FHOD3: variants seen among roughly 807,000 people sequenced by gnomAD.
FHOD3 encodes formin homology 2 domain containing 3, also known as FH1/FH2 domain-containing protein 3.
A neutral mutation model predicts 173.0 loss-of-function variants in FHOD3; 90 were observed. The ratio of observed to expected loss-of-function variants is 0.52; its 90% CI spans 0.44 to 0.62. The LOEUF (loss-of-function observed/expected upper bound fraction) is 0.62, where lower values mean the gene tolerates loss of function less well. FHOD3 is among the 20% of genes least tolerant of loss of function. The pLI is 0.00. For missense variants in FHOD3, 1,945 were observed against 2,034.7 expected, an observed-to-expected ratio of 0.96 and a Z score of 0.85; for synonymous variants, 828 against 823.0, an observed-to-expected ratio of 1.01 and a Z score of -0.10.
intron 2 of FHOD3, among the ~76,000 whole-genome samples, chr18:36,358,396 A>G (rs1262741334): frequency 6.6e-6 from 1 of 152,176 alleles, no homozygotes; most frequent in East Asian, 1.9e-4. Flanking sequence ...CACTTCCTCC[A>G]CAGCTGTTCC....
At chr18:36,376,317 T>G (rs779159453) in intron 3 of FHOD3, among the ~76,000 whole-genome samples, 6 of 152,208 alleles carry the variant, frequency 3.9e-5, no homozygotes, top group Non-Finnish European at 8.8e-5. Context: ...GGGCTTCAAT[T>G]TTCTGAAGCA....
intron 3 of FHOD3, among the ~76,000 whole-genome samples, chr18:36,385,979 A>T (rs569989213): frequency 6.6e-6 from 1 of 152,342 alleles, no homozygotes; most frequent in African/African-American, 2.4e-5. Flanking sequence ...GTGCTTAGTT[A>T]TATCTATAAT....
intron 20 of FHOD3, among the ~76,000 whole-genome samples, chr18:36,737,378 T>C (rs1274076787): frequency 6.6e-6 from 1 of 152,238 alleles, no homozygotes; most frequent in East Asian, 1.9e-4. Context: ...GAGAAGCATT[T>C]ATTTTGAAGA....
intron 7 of FHOD3, 23 bp downstream of exon 7, chr18:36,594,921 T>C (rs372909369): frequency 6.6e-6 from 10 of 1,511,030 alleles, no homozygotes; most frequent in South Asian, 4.6e-5. Flanking sequence ...TGCCCCCTTA[T>C]GTCATGAAGG....
chr18:36,648,260 A>T (rs1000345302), intron 10 of FHOD3, among the ~76,000 whole-genome samples: 1 of 152,116 alleles, frequency 6.6e-6, no homozygotes, highest in Non-Finnish European at 1.5e-5. Context: ...CTAGTTATGT[A>T]CGATGGTGAG....
intron 10 of FHOD3, among the ~76,000 whole-genome samples, chr18:36,641,119 C>T (rs1281752917): frequency 6.6e-6 from 1 of 151,990 alleles, no homozygotes; most frequent in Non-Finnish European, 1.5e-5. Context: ...TCCTCAGGGC[C>T]ATGGAACTGC....
intron 3 of FHOD3, among the ~76,000 whole-genome samples, chr18:36,394,852 TG>T (rs1280256327): frequency 1.3e-5 from 2 of 152,176 alleles, no homozygotes; most frequent in Non-Finnish European, 2.9e-5. Context: ...GCCTCCTCAA[TG>T]GGAGAAGCTG....
At chr18:36,350,840 G>C (rs139219976) in intron 1 of FHOD3, among the ~76,000 whole-genome samples, 1 of 152,324 alleles carries the variant, frequency 6.6e-6, no homozygotes, top group African/African-American at 2.4e-5. Flanking sequence ...GTTTATGACT[G>C]TTACTTCTTT....
chr18:36,742,041 C>A (rs1446626497), intron 21 of FHOD3, among the ~76,000 whole-genome samples: 4 of 152,102 alleles, frequency 2.6e-5, no homozygotes, highest in Non-Finnish European at 5.9e-5. Flanking sequence ...AAACAGATCA[C>A]TGGGTCAGCC....
At chr18:36,566,788 C>G (rs895065402) in intron 5 of FHOD3, among the ~76,000 whole-genome samples, 1 of 151,792 alleles carries the variant, frequency 6.6e-6, no homozygotes, top group African/African-American at 2.4e-5. Flanking sequence ...AATTGGGTGA[C>G]TCACTGAAGG....
At chr18:36,452,649 G>T (rs573591811) in intron 3 of FHOD3, among the ~76,000 whole-genome samples, 8 of 152,024 alleles carry the variant, frequency 5.3e-5, no homozygotes, top group Non-Finnish European at 4.4e-5. Flanking sequence ...TCTGCTTCTC[G>T]GAGTCTGGCT....
chr18:36,605,377 A>G (rs2031944086), intron 8 of FHOD3, among the ~76,000 whole-genome samples: 1 of 152,212 alleles, frequency 6.6e-6, no homozygotes, highest in African/African-American at 2.4e-5. Flanking sequence ...GCAGAGACCC[A>G]GTGCCTGTCA....
At chr18:36,305,153 C>T (rs1019301897) in intron 1 of FHOD3, among the ~76,000 whole-genome samples, 6 of 152,152 alleles carry the variant, frequency 3.9e-5, no homozygotes, top group African/African-American at 1.4e-4. Context: ...CACCAATCTG[C>T]AAAATATATA....
intron 6 of FHOD3, among the ~76,000 whole-genome samples, chr18:36,587,920 T>G (rs1178495435): frequency 6.6e-6 from 1 of 152,254 alleles, no homozygotes; most frequent in Non-Finnish European, 1.5e-5. Flanking sequence ...TACACTTGGT[T>G]ACTATACCTT....
In FHOD3 at chr18:36,345,356, G is replaced by A. The variant is rs563659885; in HGVS notation, c.166-10183G>A. Among the ~76,000 whole-genome samples the A allele has an allele frequency of 2.7e-3, 414 of 152,266 alleles. 2 individuals are homozygous for A. The highest frequency in any genetic ancestry group is 9.3e-3 in the African/African-American group (388 of 41,576). On this transcript the variant is annotated intron_variant, in intron 1 of 28. Transcript: ENST00000590592. ...CCCAGTGAAATTTAGAAATTATTTT[G>A]AATCGAACATAATGAAAATACATCA...
intron 19 of FHOD3, 82 bp from the exon 20 acceptor site, chr18:36,730,564 G>C: frequency 7.2e-7 from 1 of 1,383,258 alleles, no homozygotes. Flanking sequence ...CTCTAAATAA[G>C]TAGTGAGTGC....
At chr18:36,498,440 C>A (rs1268145258) in intron 3 of FHOD3, among the ~76,000 whole-genome samples, 1 of 152,008 alleles carries the variant, frequency 6.6e-6, no homozygotes, top group Non-Finnish European at 1.5e-5. Flanking sequence ...TAGTCACTGA[C>A]CAAGTAAAAT....
In FHOD3 at chr18:36,651,707, A is replaced by C. The variant is rs141524568; in HGVS notation, c.1287-863A>C. On this transcript the variant is annotated intron_variant, in intron 11 of 28. Coordinates refer to ENST00000590592, the MANE Select transcript of FHOD3 (RefSeq NM_001281740.3). Reference sequence around the variant, plus strand: ...GCAAAGGTTGCCGTGAGCCAAGATCACTGGGGGCAACAAGAGCAAAACTCT... The same window carrying C: ...GCAAAGGTTGCCGTGAGCCAAGATCCCTGGGGGCAACAAGAGCAAAACTCT... Among the ~76,000 whole-genome samples, 837 of 152,162 alleles carry C rather than the reference A, an allele frequency of 5.5e-3. 9 individuals are homozygous for C. The highest frequency in any genetic ancestry group is 0.019 in the African/African-American group (791 of 41,470).
intron 22 of FHOD3, among the ~76,000 whole-genome samples, chr18:36,743,223 C>T (rs572457731): frequency 1.4e-5 from 2 of 141,972 alleles, no homozygotes; most frequent in African/African-American, 5.2e-5. Flanking sequence ...GCAGGAGAAT[C>T]GCTTGAACCC....
Sources: allele counts gnomAD v4.1 joint callset (sites outside exome capture counted in the v4.1 genomes callset), GRCh38; gene constraint gnomAD v4.1.1; transcripts MANE v1.5; gene names NCBI Gene and HGNC (gene_info 2026-07-23, HGNC 2026-07-21).